Variants in NUP42 observed in about 807,000 individuals in gnomAD.
NUP42 encodes the protein nucleoporin NUP42.
NUP42 carries 47 observed loss-of-function variants against 35.9 expected under a neutral mutation model. The ratio of observed to expected loss-of-function variants is 1.31; its 90% confidence interval spans 1.04 to 1.67. The LOEUF (loss-of-function observed/expected upper bound fraction) is 1.67. NUP42 is among the 40% of genes most tolerant of loss of function. The pLI is 0.00. For missense variants in NUP42, 514 were observed against 492.2 expected (o/e 1.04, Z -0.42); for synonymous variants, 173 against 173.3 (o/e 1.00, Z 0.01).
intron 3 of NUP42, chr7:23,188,013 A>ATTT: frequency 1.5e-5 from 14 of 909,070 alleles, no homozygotes; most frequent in African/African-American, 3.9e-5. Flanking sequence ...TTTTATTTTT[A>ATTT]TTTTTTTTTT....
At chr7:23,193,288 A>T (rs1394108631) in intron 3 of NUP42, among the ~76,000 whole-genome samples, 1 of 152,208 alleles carries the variant, frequency 6.6e-6, no homozygotes, top group Non-Finnish European at 1.5e-5. Context: ...TGGCTGGGGC[A>T]GCCTGCTTTT....
At chr7:23,190,300 A>G (rs942119585) in intron 3 of NUP42, among the ~76,000 whole-genome samples, 2 of 152,388 alleles carry the variant, frequency 1.3e-5, no homozygotes, top group African/African-American at 4.8e-5. Flanking sequence ...GAATGAATGC[A>G]GAAGCATATG....
At chr7:23,183,276 C>G (rs993492396) in intron 1 of NUP42, among the ~76,000 whole-genome samples, 3 of 152,016 alleles carry the variant, frequency 2.0e-5, no homozygotes, top group Admixed American at 6.6e-5. Context: ...GAGTCTTGCT[C>G]TCTCAGTCAG....
In NUP42 at chr7:23,182,120, G is replaced by T; in HGVS notation, c.35G>T (p.Cys12Phe). The T allele has an allele frequency of 6.2e-7, 1 of 1,614,204 alleles. No individual in the cohort carries two copies. Among genetic ancestry groups the T allele is most frequent in the Non-Finnish European group, 8.5e-7 (1 of 1,180,044 alleles). Residue 12 changes from cysteine to phenylalanine, a missense_variant, in exon 1 of 7, where the codon TGC becomes TTC. Coordinates refer to ENST00000258742, the MANE Select transcript of NUP42 (RefSeq NM_007342.3). ...AICQFFLQGR[C>F]RFGDRCWNEH... ...TGTCAATTCTTCCTTCAAGGCCGGT[G>T]CCGCTTTGGAGATCGGTGCTGGAAC...
At chr7:23,184,686 A>G (rs1244418977) in intron 1 of NUP42, among the ~76,000 whole-genome samples, 1 of 152,214 alleles carries the variant, frequency 6.6e-6, no homozygotes, top group Admixed American at 6.5e-5. Context: ...AGACATACTA[A>G]GATATAATGA....
At chr7:23,188,519 G>T in intron 3 of NUP42, 1 of 985,414 alleles carries the variant, frequency 1.0e-6, no homozygotes, top group South Asian at 4.7e-5. Context: ...CCCTAAAGCA[G>T]TGGTTCTTAA....
chr7:23,199,292 T>A, intron 5 of NUP42, 166 bp from the exon 6 acceptor site: 3 of 576,074 alleles, frequency 5.2e-6, no homozygotes, highest in Non-Finnish European at 9.4e-6. Flanking sequence ...GCTCAAGCCC[T>A]TCACCCTCCT....
intron 5 of NUP42, among the ~76,000 whole-genome samples, chr7:23,199,141 A>G (rs1786117317): frequency 6.6e-6 from 1 of 151,864 alleles, no homozygotes; most frequent in Non-Finnish European, 1.5e-5. Flanking sequence ...TTTTTGAGTC[A>G]GAGTCTTACT....
chr7:23,197,686 G>A (rs551024734), intron 5 of NUP42, among the ~76,000 whole-genome samples: 19 of 152,292 alleles, frequency 1.2e-4, no homozygotes, highest in African/African-American at 4.6e-4. Flanking sequence ...CCCTTCCATA[G>A]GTTAGAATGT....
intron 5 of NUP42, among the ~76,000 whole-genome samples, chr7:23,198,758 G>A (rs59525594): frequency 0.018 from 2,801 of 152,152 alleles, 77 homozygotes; most frequent in African/African-American, 0.064. Context: ...GATCTACTTC[G>A]AGTATTAGAC....
At chr7:23,199,613 C>A in intron 6 of NUP42, 71 bp downstream of exon 6, 3 of 1,231,922 alleles carry the variant, frequency 2.4e-6, no homozygotes, top group Admixed American at 1.7e-5. Context: ...AAATTACAAG[C>A]CTGAATCGCC....
chr7:23,192,455 G>A (rs1390396683), intron 3 of NUP42, among the ~76,000 whole-genome samples: 1 of 150,042 alleles, frequency 6.7e-6, no homozygotes, highest in Non-Finnish European at 1.5e-5. Flanking sequence ...GCTGAGGCAG[G>A]AGAATTGCCT....
Position 23,199,513 on chromosome 7 carries a change from GCAGT to G in NUP42, c.668_671del (p.Ser223LysfsTer170). On this transcript the variant is annotated frameshift_variant, in exon 6 of 7. Transcript: ENST00000258742. LOFTEE classifies it low-confidence loss of function (END_TRUNC). The stretch of plus-strand genomic sequence containing the variant: ...GCAGCACCTGCATTTGGATTTGGCA[GCAGT>G]CAAGCAGCAACATTTATGTCGCCAG... The G allele has an allele frequency of 6.2e-7, 1 of 1,614,006 alleles. No individual in the cohort carries two copies.
chr7:23,193,823 C>A (rs1406134670), intron 3 of NUP42, among the ~76,000 whole-genome samples: 1 of 152,186 alleles, frequency 6.6e-6, no homozygotes, highest in Non-Finnish European at 1.5e-5. Flanking sequence ...CAGGAGCGCA[C>A]GGAGGTGAGG....
intron 1 of NUP42, among the ~76,000 whole-genome samples, chr7:23,182,860 G>T (rs1391828225): frequency 6.6e-6 from 1 of 150,642 alleles, no homozygotes; most frequent in Non-Finnish European, 1.5e-5. Context: ...GTTGCAGTGG[G>T]CCGAGATCGT....
chr7:23,194,035 A>AGCCCAC (rs1785918394), intron 3 of NUP42, among the ~76,000 whole-genome samples: 1 of 152,202 alleles, frequency 6.6e-6, no homozygotes, highest in African/African-American at 2.4e-5. Context: ...GGGCCCACCA[A>AGCCCAC]GCCCACGCCC....
chr7:23,196,065 G>A (rs1391554659), intron 4 of NUP42, 150 bp downstream of exon 4: 2 of 386,046 alleles, frequency 5.2e-6, no homozygotes, highest in Admixed American at 8.9e-5. Context: ...TATTTTCATT[G>A]AATTTGGTTG....
intron 5 of NUP42, chr7:23,197,226 C>A (rs1786044951): frequency 7.7e-7 from 1 of 1,299,498 alleles, no homozygotes; most frequent in Non-Finnish European, 1.0e-6. Context: ...ATGGTCCCGA[C>A]TGTGGCAAGT....
At chr7:23,185,830 TCTG>T (rs1785574287) in intron 2 of NUP42, among the ~76,000 whole-genome samples, 1 of 152,144 alleles carries the variant, frequency 6.6e-6, no homozygotes, top group Non-Finnish European at 1.5e-5. Flanking sequence ...GCCTCCGCCT[TCTG>T]GGCTCAAGCC....
Sources: allele counts gnomAD v4.1 joint callset (sites outside exome capture counted in the v4.1 genomes callset), GRCh38; gene constraint gnomAD v4.1.1; transcripts MANE v1.5; gene names NCBI Gene and HGNC (gene_info 2026-07-23, HGNC 2026-07-21).